KCNK3: variants seen among roughly 807,000 people sequenced by gnomAD.
KCNK3 encodes potassium channel subfamily K member 3.
A neutral mutation model predicts 27.3 loss-of-function variants in KCNK3; 9 were observed. The ratio of observed to expected loss-of-function variants is 0.33; its 90% CI spans 0.20 to 0.57. KCNK3 has a LOEUF of 0.57. Among genes scored for constraint, KCNK3 ranks in the 20% least tolerant of loss-of-function variants. The probability of loss-of-function intolerance (pLI) is 0.87; values close to 1 mark genes in which losing one functional copy is unlikely to be tolerated. For synonymous variants in KCNK3, 278 were observed against 273.8 expected (o/e 1.02, Z -0.15); for missense variants, 391 against 577.7 (o/e 0.68, Z 3.31).
chr2:26,716,105 A>G (rs1663226922), intron 1 of KCNK3, among the ~76,000 whole-genome samples: 1 of 152,184 alleles, frequency 6.6e-6, no homozygotes, highest in Non-Finnish European at 1.5e-5. Flanking sequence ...ACCACACCCC[A>G]GGTCTTCTGA....
In KCNK3 at chr2:26,732,617, T is replaced by C. The variant is rs1180732832; in HGVS notation, c.*4049T>C. 2.0e-5 allele frequency: 3 copies of C among 152,310 alleles called. No individual in the cohort carries two copies. The highest frequency in any genetic ancestry group is 2.0e-4 in the Admixed American group (3 of 15,290). 9.4% of individuals were successfully genotyped at this position (152,310 alleles called of 1,614,324 possible). ...TGACAGCACTCCTGGCAGCTCCTTGTTGGCCTGCAGCCCTCAGGGGGCTTA... is the reference window on the plus strand; with the variant it reads ...TGACAGCACTCCTGGCAGCTCCTTGCTGGCCTGCAGCCCTCAGGGGGCTTA... On this transcript the variant is annotated 3_prime_UTR_variant, in exon 2 of 2. Transcript: ENST00000302909.
At position 26,731,407 on chromosome 2, in the gene KCNK3, T is replaced by G. The variant is rs1663538644; in HGVS notation, c.*2839T>G. 1 of 152,234 alleles carries G rather than the reference T, an allele frequency of 6.6e-6. No individual in the cohort carries two copies. The highest frequency in any genetic ancestry group is 2.1e-4 in the South Asian group (1 of 4,828). 9.4% of individuals were successfully genotyped at this position (152,234 alleles called of 1,614,324 possible). A position where few individuals can be genotyped will look rare whatever the true frequency, so the allele number is the denominator to read the frequency against. On this transcript the variant is annotated 3_prime_UTR_variant, in exon 2 of 2. Transcript: ENST00000302909. ...CAACATGGTAAAACCCCGTCTCTACTAAAAATACAAAAATTAGCTGAGCGT... is the reference window on the plus strand; with the variant it reads ...CAACATGGTAAAACCCCGTCTCTACGAAAAATACAAAAATTAGCTGAGCGT...
At chr2:26,719,800 T>C (rs922964777) in intron 1 of KCNK3, among the ~76,000 whole-genome samples, 2 of 152,194 alleles carry the variant, frequency 1.3e-5, no homozygotes, top group Admixed American at 6.5e-5. Flanking sequence ...TCACCAGCCC[T>C]TGTTACTCCT....
At chr2:26,710,894 G>T (rs986730072) in intron 1 of KCNK3, among the ~76,000 whole-genome samples, 1 of 152,190 alleles carries the variant, frequency 6.6e-6, no homozygotes, top group Non-Finnish European at 1.5e-5. Flanking sequence ...ATATCCCCGG[G>T]GTTATTTTTG....
intron 1 of KCNK3, among the ~76,000 whole-genome samples, chr2:26,715,924 T>A (rs1219455873): frequency 6.6e-6 from 1 of 152,232 alleles, no homozygotes; most frequent in Non-Finnish European, 1.5e-5. Flanking sequence ...CTGAAACTAT[T>A]GCTGTCTCCA....
intron 1 of KCNK3, among the ~76,000 whole-genome samples, chr2:26,726,521 T>C (rs1663423308): frequency 6.6e-6 from 1 of 152,118 alleles, no homozygotes; most frequent in Admixed American, 6.5e-5. Context: ...CATAATTATG[T>C]TAATAAAAGT....
At chr2:26,698,312 C>T (rs1208224304) in intron 1 of KCNK3, among the ~76,000 whole-genome samples, 5 of 152,168 alleles carry the variant, frequency 3.3e-5, no homozygotes, top group Non-Finnish European at 5.9e-5. Flanking sequence ...TGCAGGGCAG[C>T]GGAGGAACAT....
chr2:26,716,661 G>A (rs1436094654), intron 1 of KCNK3, among the ~76,000 whole-genome samples: 1 of 152,134 alleles, frequency 6.6e-6, no homozygotes, highest in African/African-American at 2.4e-5. Context: ...CCAGGTTTAG[G>A]CACCAGATCC....
chr2:26,711,828 T>C (rs1663113496), intron 1 of KCNK3, among the ~76,000 whole-genome samples: 1 of 152,116 alleles, frequency 6.6e-6, no homozygotes, highest in African/African-American at 2.4e-5. Flanking sequence ...TAAAGTCAAG[T>C]GCAGAGAAAG....
intron 1 of KCNK3, among the ~76,000 whole-genome samples, chr2:26,695,508 G>A (rs1271303767): frequency 6.6e-6 from 1 of 152,196 alleles, no homozygotes; most frequent in Non-Finnish European, 1.5e-5. Context: ...GGATGATCTG[G>A]GTGACACGCT....
At chr2:26,704,569 G>A (rs950509795) in intron 1 of KCNK3, among the ~76,000 whole-genome samples, 21 of 152,166 alleles carry the variant, frequency 1.4e-4, no homozygotes, top group African/African-American at 4.8e-4. Flanking sequence ...AGGACCATCC[G>A]GGGCTTTCTC....
At chr2:26,715,653 T>A (rs1028124201) in intron 1 of KCNK3, among the ~76,000 whole-genome samples, 11 of 152,162 alleles carry the variant, frequency 7.2e-5, no homozygotes, top group African/African-American at 2.2e-4. Context: ...CACGTGGCCA[T>A]CTCCTCCCTG....
At chr2:26,699,293 C>T (rs1218811703) in intron 1 of KCNK3, among the ~76,000 whole-genome samples, 2 of 151,638 alleles carry the variant, frequency 1.3e-5, no homozygotes, top group Non-Finnish European at 1.5e-5. Context: ...GGAGAAACTA[C>T]GGAGTGTGTT....
chr2:26,716,706 C>A (rs1663237158), intron 1 of KCNK3, among the ~76,000 whole-genome samples: 2 of 152,198 alleles, frequency 1.3e-5, no homozygotes, highest in African/African-American at 4.8e-5. Context: ...AGGGCCTCTG[C>A]ATGGTACATG....
intron 1 of KCNK3, among the ~76,000 whole-genome samples, chr2:26,707,277 T>C (rs1218196900): frequency 6.6e-6 from 1 of 152,104 alleles, no homozygotes; most frequent in East Asian, 1.9e-4. Flanking sequence ...GTCCCTGGAA[T>C]GGAGTGCGGG....
At chr2:26,705,019 G>A (rs989990695) in intron 1 of KCNK3, among the ~76,000 whole-genome samples, 3 of 152,022 alleles carry the variant, frequency 2.0e-5, no homozygotes, top group Admixed American at 6.5e-5. Flanking sequence ...CAGGCTGGAG[G>A]GTAGCCATGA....
chr2:26,701,198 G>A (rs1670303641), intron 1 of KCNK3, among the ~76,000 whole-genome samples: 2 of 152,296 alleles, frequency 1.3e-5, no homozygotes, highest in South Asian at 2.1e-4. Flanking sequence ...GAAAAAGAAC[G>A]TCTGCAGCTG....
chr2:26,729,393 T>C lies in KCNK3; in HGVS notation c.*825T>C, dbSNP rs912131049. On this transcript the variant is annotated 3_prime_UTR_variant, in exon 2 of 2. Coordinates refer to ENST00000302909, the MANE Select transcript of KCNK3 (RefSeq NM_002246.3). Reference sequence around the variant, plus strand: ...ACCCACTCTTAAATTTGTCGAGTGATTTTTAGCCTCTGAAAACTCTATGCT... The same window carrying C: ...ACCCACTCTTAAATTTGTCGAGTGACTTTTAGCCTCTGAAAACTCTATGCT... The C allele has an allele frequency of 3.3e-5, 5 of 152,198 alleles. No homozygotes were observed. The highest frequency in any genetic ancestry group is 1.2e-4 in the African/African-American group (5 of 41,426). The allele number at this position is 152,198 out of a possible 1,614,324, so 9.4% of individuals were successfully genotyped here. A position where few individuals can be genotyped will look rare whatever the true frequency, so the allele number is the denominator to read the frequency against.
chr2:26,698,956 C>T (rs1033546034), intron 1 of KCNK3, among the ~76,000 whole-genome samples: 2 of 151,972 alleles, frequency 1.3e-5, no homozygotes, highest in African/African-American at 4.8e-5. Context: ...GTGGGCAGAT[C>T]GCGTGAGGTC....
Sources: allele counts gnomAD v4.1 joint callset (sites outside exome capture counted in the v4.1 genomes callset), GRCh38; gene constraint gnomAD v4.1.1; transcripts MANE v1.5; gene names NCBI Gene and HGNC (gene_info 2026-07-23, HGNC 2026-07-21).